The following MAPK10 variants were observed in gnomAD, a reference collection of about 807,000 sequenced individuals.
MAPK10 encodes mitogen-activated protein kinase 10.
In MAPK10, 25 loss-of-function variants were observed where a neutral mutation model predicts 59.3. The observed-to-expected ratio is 0.42, with a 90% CI of 0.31 to 0.59. The LOEUF is 0.59. Ranked by LOEUF, MAPK10 falls within the 20% of genes least tolerant of loss-of-function variation. The pLI is 0.15. For missense variants in MAPK10, 351 were observed against 568.9 expected (o/e 0.62, Z 3.90); for synonymous variants, 190 against 200.5 (o/e 0.95, Z 0.44).
chr4:86,434,882 G>A (rs1477044507), intron 1 of MAPK10, among the ~76,000 whole-genome samples: 1 of 152,160 alleles, frequency 6.6e-6, no homozygotes, highest in South Asian at 2.1e-4. Flanking sequence ...AACCAAACAT[G>A]GGATCAACCT....
intron 8 of MAPK10, chr4:86,100,476 A>C (rs960069494): frequency 3.9e-5 from 6 of 152,300 alleles, no homozygotes; most frequent in African/African-American, 1.4e-4. Flanking sequence ...GGAATATATA[A>C]GGATTTATTA....
rs117306346 is a variant in MAPK10, at chr4:86,327,983, T to C, written c.-7+26547A>G. On this transcript the variant is annotated intron_variant, in intron 2 of 13. Coordinates refer to ENST00000641462, the MANE Select transcript of MAPK10 (RefSeq NM_138982.4). ...AATAATAATAATATAAAACAAAAAC[T>C]ATTTCTTATAAAATCTTCCTATGGT... 1.3e-4 allele frequency among the ~76,000 whole-genome samples: 20 copies of C among 151,944 alleles called. No individual in the cohort carries two copies. The East Asian group carries it at 3.1e-3, about 24-fold the overall frequency.
At chr4:86,444,858 A>G (rs1749846307) in intron 1 of MAPK10, among the ~76,000 whole-genome samples, 1 of 152,162 alleles carries the variant, frequency 6.6e-6, no homozygotes, top group Admixed American at 6.5e-5. Flanking sequence ...GCAAATCAAA[A>G]CCACAATGAG....
chr4:86,501,626 G>T (rs1755338110), intron 1 of MAPK10, among the ~76,000 whole-genome samples: 1 of 151,820 alleles, frequency 6.6e-6, no homozygotes, highest in African/African-American at 2.4e-5. Context: ...GTTTCAAAGA[G>T]AAGTAATAGT....
At chr4:86,360,308 C>A, upstream of MAPK10, 1 of 509,370 alleles carries the variant, frequency 2.0e-6, no homozygotes, top group African/African-American at 2.1e-5. Context: ...GCCTGCACAA[C>A]CTGAAGAAAA....
rs1202722328 is a variant in MAPK10 at position 86,372,569 on chromosome 4, A to AAAGAAAG, written c.-121-17926_-121-17925insCTTTCTT. ...GAAAGAAAGAAAGAAAGAAAGAAAGAAAAGAAAAGAAAAGAAAAGAAAAGA... is the reference window on the plus strand; with the variant it reads ...GAAAGAAAGAAAGAAAGAAAGAAAGAAAGAAAGAAAGAAAAGAAAAGAAAAGAAAAGA... On this transcript the variant is annotated intron_variant, in intron 1 of 13. Coordinates refer to the MAPK10 transcript ENST00000361569. Among the ~76,000 whole-genome samples the AAAGAAAG allele has an allele frequency of 5.5e-4, 33 of 59,986 alleles. 1 individual carries two copies. Among genetic ancestry groups the AAAGAAAG allele is most frequent in the African/African-American group, 1.5e-3 (20 of 13,078 alleles). The allele number at this position is 59,986 out of a possible 152,430, so 39.4% of individuals were successfully genotyped here.
chr4:86,540,333 T>C (rs1232925760), intron 1 of MAPK10, among the ~76,000 whole-genome samples: 2 of 151,704 alleles, frequency 1.3e-5, no homozygotes, highest in Non-Finnish European at 2.9e-5. Flanking sequence ...ACTCTGTCTG[T>C]ACGAAAAATA....
At chr4:86,563,055 C>T (rs1315103090) in intron 1 of MAPK10, among the ~76,000 whole-genome samples, 1 of 152,298 alleles carries the variant, frequency 6.6e-6, no homozygotes, top group East Asian at 1.9e-4. Flanking sequence ...CACATAAAAA[C>T]TCCTACATAA....
chr4:86,431,969 C>T (rs1229821792), intron 1 of MAPK10, among the ~76,000 whole-genome samples: 2 of 152,152 alleles, frequency 1.3e-5, no homozygotes, highest in African/African-American at 2.4e-5. Flanking sequence ...TCATGGACAG[C>T]GGTCTTTTAT....
At chr4:86,068,406 T>C (rs2047135504) in intron 9 of MAPK10, among the ~76,000 whole-genome samples, 1 of 152,168 alleles carries the variant, frequency 6.6e-6, no homozygotes, top group African/African-American at 2.4e-5. Context: ...TATATTCATT[T>C]ACATTTTCCT....
At chr4:86,576,476 T>C (rs1397322222) in intron 1 of MAPK10, among the ~76,000 whole-genome samples, 1 of 152,094 alleles carries the variant, frequency 6.6e-6, no homozygotes, top group African/African-American at 2.4e-5. Context: ...CAGCATGATT[T>C]TAAACGGCCT....
rs543679215 is a variant in MAPK10 at position 86,473,932 on chromosome 4, T to C, written c.-262-119288A>G. Among the ~76,000 whole-genome samples the C allele has an allele frequency of 2.6e-5, 4 of 152,258 alleles. No homozygotes were observed. The South Asian group carries it at 8.3e-4, about 32-fold the overall frequency. On this transcript the variant is annotated intron_variant, in intron 1 of 4. Coordinates refer to the MAPK10 transcript ENST00000502302. ...TGGAAGTCTGAGATGGAAGGATAGCTTAAGGCCAGGAGTTCAAGACCAGCC... is the reference window on the plus strand; with the variant it reads ...TGGAAGTCTGAGATGGAAGGATAGCCTAAGGCCAGGAGTTCAAGACCAGCC...
intron 1 of MAPK10, among the ~76,000 whole-genome samples, chr4:86,528,576 G>C (rs189121594): frequency 5.9e-5 from 9 of 152,180 alleles, no homozygotes; most frequent in South Asian, 2.1e-4. Context: ...ATGTTGCCCA[G>C]GCTCAAGTGC....
intron 2 of MAPK10, among the ~76,000 whole-genome samples, chr4:86,223,142 G>T (rs75120289): frequency 0.03 from 4,524 of 152,244 alleles, 92 homozygotes; most frequent in South Asian, 0.041. Flanking sequence ...TTTTTATCAT[G>T]TTAAACTTAC....
intron 1 of MAPK10, among the ~76,000 whole-genome samples, chr4:86,494,848 A>G (rs1412566196): frequency 1.3e-5 from 1 of 75,936 alleles, no homozygotes; most frequent in Non-Finnish European, 3.1e-5. Flanking sequence ...GTCTCAAAAA[A>G]AAAAAAAAAA....
intron 2 of MAPK10, among the ~76,000 whole-genome samples, chr4:86,226,322 C>G (rs552955858): frequency 6.6e-6 from 1 of 152,130 alleles, no homozygotes; most frequent in African/African-American, 2.4e-5. Context: ...AGACTTTACC[C>G]GGTTTCAAGT....
chr4:86,474,942 G>C (rs1252610771), intron 1 of MAPK10, among the ~76,000 whole-genome samples: 1 of 152,172 alleles, frequency 6.6e-6, no homozygotes, highest in Non-Finnish European at 1.5e-5. Context: ...GCCGGTCCTT[G>C]CCTTAAATGA....
rs1554272299 is a variant in MAPK10, at chr4:86,487,362, A to AGAGTGTGTGT, written c.-263+106547_-263+106548insACACACACTC. 1.8e-4 allele frequency among the ~76,000 whole-genome samples: 27 copies of AGAGTGTGTGT among 148,832 alleles called. No homozygotes were observed. In the Middle Eastern group the frequency reaches 0.01, roughly 57 times the overall value. ...AATAGTTCATAAAAGAGAGAGAGAG[A>AGAGTGTGTGT]GTGTGTGTGTGTGTGTGTGTGTAGA... On this transcript the variant is annotated intron_variant, in intron 1 of 4. Coordinates refer to the MAPK10 transcript ENST00000502302.
At chr4:86,421,427 G>A (rs1352892155) in intron 1 of MAPK10, among the ~76,000 whole-genome samples, 3 of 152,112 alleles carry the variant, frequency 2.0e-5, no homozygotes, top group Non-Finnish European at 4.4e-5. Context: ...TTGTTGAGAC[G>A]GTTGATTTTA....
Sources: allele counts gnomAD v4.1 joint callset (sites outside exome capture counted in the v4.1 genomes callset), GRCh38; gene constraint gnomAD v4.1.1; transcripts MANE v1.5; gene names NCBI Gene and HGNC (gene_info 2026-07-23, HGNC 2026-07-21).